ABCC11: variants seen among roughly 807,000 people sequenced by gnomAD.
ABCC11 encodes ATP-binding cassette sub-family C member 11.
In ABCC11, 135 loss-of-function variants were observed where a neutral mutation model predicts 149.3. The observed-to-expected ratio is 0.90, with a 90% CI of 0.79 to 1.04. The LOEUF (loss-of-function observed/expected upper bound fraction) is 1.04, where lower values mean the gene tolerates loss of function less well. Among genes scored for constraint, ABCC11 ranks in the 50% least tolerant of loss-of-function variants. The probability of loss-of-function intolerance (pLI) is 0.00; values close to 1 mark genes in which losing one functional copy is unlikely to be tolerated. For synonymous variants in ABCC11, 665 were observed against 671.4 expected, an observed-to-expected ratio of 0.99 and a Z score of 0.15; for missense variants, 1,680 against 1,722.1, an observed-to-expected ratio of 0.98 and a Z score of 0.43.
chr16:48,231,678 A>T, intron 2 of ABCC11, 145 bp downstream of exon 2: 17 of 951,840 alleles, frequency 1.8e-5, no homozygotes, highest in Non-Finnish European at 2.3e-5. Context: ...AAAAAAAAAG[A>T]GAGAGAGAGA....
chr16:48,183,413 C>T (rs1452778302), intron 23 of ABCC11, among the ~76,000 whole-genome samples: 4 of 152,242 alleles, frequency 2.6e-5, no homozygotes, highest in Non-Finnish European at 4.4e-5. Flanking sequence ...AGAGGGATTC[C>T]GGCCTTGAGG....
intron 1 of ABCC11, among the ~76,000 whole-genome samples, chr16:48,235,673 T>C (rs1160293985): frequency 6.6e-6 from 1 of 152,146 alleles, no homozygotes; most frequent in Non-Finnish European, 1.5e-5. Context: ...CCAATTCTCT[T>C]TCCGGAAGAA....
intron 6 of ABCC11, among the ~76,000 whole-genome samples, chr16:48,221,625 G>C (rs1969744160): frequency 6.6e-6 from 1 of 152,204 alleles, no homozygotes; most frequent in Non-Finnish European, 1.5e-5. Flanking sequence ...TTGGCTTAGG[G>C]GACGCACTTT....
chr16:48,182,238 A>G (rs552779644), intron 23 of ABCC11, among the ~76,000 whole-genome samples: 18 of 152,374 alleles, frequency 1.2e-4, no homozygotes, highest in African/African-American at 4.1e-4. Flanking sequence ...TCCTGCACAT[A>G]CATGCACTCC....
At chr16:48,203,169 C>T in intron 14 of ABCC11, 59 bp downstream of exon 14, 1 of 1,478,554 alleles carries the variant, frequency 6.8e-7, no homozygotes, top group Non-Finnish European at 9.2e-7. Flanking sequence ...CCTGGGGAGG[C>T]AGCATGAACA....
intron 1 of ABCC11, among the ~76,000 whole-genome samples, chr16:48,239,422 T>TACTC (rs1211901073): frequency 1.3e-5 from 2 of 150,982 alleles, no homozygotes; most frequent in Admixed American, 1.3e-4. Context: ...ATTAGCCAGG[T>TACTC]GTGGTGGCAG....
rs371869786 is a variant in ABCC11 at position 48,187,412 on chromosome 16, T to A, written c.2722A>T (p.Met908Leu). The A allele has an allele frequency of 5.0e-6, 8 of 1,612,710 alleles. No homozygotes were observed. The highest frequency in any genetic ancestry group is 6.8e-6 in the Non-Finnish European group (8 of 1,179,422). Reference protein sequence around the residue: ...KLFNKVFRCPMSFFDTIPIGR... With the variant: ...KLFNKVFRCPLSFFDTIPIGR... ...ATTGGGATGGTGTCAAAGAAACTCA[T>A]GGGGCAGCGGAAAACCTGCAGGGAC... Residue 908 changes from methionine to leucine, a missense_variant, in exon 21 of 30, where the codon ATG becomes TTG. Physicochemically the swap from Met to Leu is conservative, Grantham distance 15. Transcript: ENST00000356608.
In ABCC11 at chr16:48,240,875, G is replaced by T. The variant is rs147827270; in HGVS notation, c.-19+6439C>A. 4.2e-3 allele frequency among the ~76,000 whole-genome samples: 643 copies of T among 152,138 alleles called. 4 individuals are homozygous for T. The highest frequency in any genetic ancestry group is 0.015 in the African/African-American group (608 of 41,512). On this transcript the variant is annotated intron_variant, in intron 1 of 29. Transcript: ENST00000356608. ...GATACCACCTTCACCAAGTAGTCAA[G>T]ATTCAAATCGTCATTAATAAGACAT...
chr16:48,178,831 C>A (rs1490861996), intron 23 of ABCC11, 145 bp from the exon 24 acceptor site: 1 of 696,120 alleles, frequency 1.4e-6, no homozygotes, highest in Non-Finnish European at 2.4e-6. Flanking sequence ...GGAGCAGAGG[C>A]CCCTGGTGCC....
chr16:48,177,421 G>A (rs1966153014), intron 24 of ABCC11, among the ~76,000 whole-genome samples: 1 of 152,258 alleles, frequency 6.6e-6, no homozygotes, highest in Admixed American at 6.5e-5. Flanking sequence ...AGTAAAGGCA[G>A]CAGAGACTCC....
intron 23 of ABCC11, among the ~76,000 whole-genome samples, chr16:48,181,260 T>A (rs1362408746): frequency 6.6e-6 from 1 of 152,198 alleles, no homozygotes; most frequent in Non-Finnish European, 1.5e-5. Flanking sequence ...TGCATGTGTA[T>A]GTGTATCAGA....
At chr16:48,192,788 C>T in intron 19 of ABCC11, 71 bp from the exon 20 acceptor site, 1 of 1,481,698 alleles carries the variant, frequency 6.7e-7, no homozygotes, top group Non-Finnish European at 9.4e-7. Context: ...AGCCTTCTCC[C>T]TGGGGCCACG....
intron 17 of ABCC11, among the ~76,000 whole-genome samples, chr16:48,196,633 G>C (rs931241049): frequency 6.6e-6 from 1 of 152,238 alleles, no homozygotes; most frequent in Non-Finnish European, 1.5e-5. Context: ...CTAGGTTTCA[G>C]AACTGTCACT....
In ABCC11 at chr16:48,219,941, A is replaced by G. The variant is rs1412767277; in HGVS notation, c.777+2657T>C. Among the ~76,000 whole-genome samples the G allele has an allele frequency of 2.0e-5, 3 of 152,214 alleles. No individual in the cohort carries two copies. The East Asian group carries it at 5.8e-4, about 29-fold the overall frequency. ...TGTTGCAGTGAGCCAAGGTTGCACT[A>G]TTGCATTCCAGCCTGGGCAACAATA... On this transcript the variant is annotated intron_variant, in intron 6 of 29. Transcript: ENST00000356608.
intron 1 of ABCC11, among the ~76,000 whole-genome samples, chr16:48,234,724 G>A (rs919796602): frequency 3.3e-5 from 5 of 152,182 alleles, no homozygotes; most frequent in African/African-American, 1.2e-4. Flanking sequence ...GAGAGATCTT[G>A]GAGGGGGTTA....
intron 5 of ABCC11, 82 bp downstream of exon 5, chr16:48,224,200 A>G: frequency 1.3e-6 from 2 of 1,487,822 alleles, no homozygotes; most frequent in East Asian, 2.3e-5. Context: ...AACTCCTGGC[A>G]TGGACTTGAA....
downstream of ABCC11, chr16:48,165,121 C>T (rs953095472): frequency 2.0e-5 from 3 of 151,908 alleles, no homozygotes; most frequent in Non-Finnish European, 4.4e-5. Context: ...GTAGAGAGCT[C>T]CCTCACCCGT....
rs746731348 is a variant in ABCC11 at position 48,198,245 on chromosome 16, A to G, written c.2113T>C (p.Leu705=). 3.1e-6 allele frequency: 5 copies of G among 1,614,258 alleles called. No homozygotes were observed. Among genetic ancestry groups the G allele is most frequent in the South Asian group, 1.1e-5 (1 of 91,086 alleles). The part of the protein sequence containing the change: ...YLEFCGQIIL[L]ENGKICENGT... ...TTTTCACAGATTTTCCCATTTTCCA[A>G]CAAAATGATCTGGCCACAAAATTCT... Residue 705 remains leucine, a synonymous_variant, in exon 16 of 30, where the codon TTG becomes CTG. Transcript: ENST00000356608.
At position 48,195,331 on chromosome 16, in the gene ABCC11, C is replaced by G. The variant is rs567336369; in HGVS notation, c.2404+901G>C. On this transcript the variant is annotated intron_variant, in intron 18 of 29. Coordinates refer to ENST00000356608, the MANE Select transcript of ABCC11 (RefSeq NM_001370497.1). ...ATGTAAGCTGCTAGATCCATTCATG[C>G]ATTTCACAAGCATTTGCTGTTTCCT... 2.0e-5 allele frequency among the ~76,000 whole-genome samples: 3 copies of G among 152,302 alleles called. No individual in the cohort carries two copies. The South Asian group carries it at 6.2e-4, about 32-fold the overall frequency.
Sources: gnomAD v4.1 joint callset for allele counts (sites outside exome capture counted in the v4.1 genomes callset) on GRCh38, gnomAD v4.1.1 for gene constraint, MANE v1.5 for transcripts, NCBI Gene and HGNC (gene_info 2026-07-23, HGNC 2026-07-21) for gene names.